DNAJC15: variants seen among roughly 807,000 people sequenced by gnomAD.
DNAJC15 encodes dnaJ homolog subfamily C member 15.
A neutral mutation model predicts 22.4 loss-of-function variants in DNAJC15; 27 were observed. The ratio of observed to expected loss-of-function variants is 1.20; its 90% CI spans 0.89 to 1.66. The LOEUF is 1.66. Among genes scored for constraint, DNAJC15 ranks in the 40% most tolerant of loss-of-function variants. DNAJC15 has a pLI of 0.00. For missense variants in DNAJC15, 208 were observed against 187.1 expected, an observed-to-expected ratio of 1.11 and a Z score of -0.65; for synonymous variants, 79 against 63.2, an observed-to-expected ratio of 1.25 and a Z score of -1.19.
chr13:43,035,525 A>G (rs1351416216), intron 1 of DNAJC15, among the ~76,000 whole-genome samples: 6 of 152,226 alleles, frequency 3.9e-5, no homozygotes, highest in Admixed American at 6.5e-5. Flanking sequence ...AACTAAACCA[A>G]GGGAGAAAAG....
intron 4 of DNAJC15, 36 bp downstream of exon 4, chr13:43,078,724 G>A (rs1038451914): frequency 6.3e-7 from 1 of 1,581,092 alleles, no homozygotes; most frequent in South Asian, 1.1e-5. Context: ...TTGTTGTGTG[G>A]CCAAGCTTGT....
At chr13:43,074,868 TA>T in intron 3 of DNAJC15, among the ~76,000 whole-genome samples, 1 of 152,180 alleles carries the variant, frequency 6.6e-6, no homozygotes, top group African/African-American at 2.4e-5. Context: ...TTTTAAAAAA[TA>T]AACTCAATGA....
At chr13:43,068,099 A>G (rs923894700) in intron 2 of DNAJC15, among the ~76,000 whole-genome samples, 2 of 152,164 alleles carry the variant, frequency 1.3e-5, no homozygotes, top group African/African-American at 4.8e-5. Context: ...TGATTTGCAA[A>G]TAGGCTTATG....
intron 1 of DNAJC15, among the ~76,000 whole-genome samples, chr13:43,043,562 A>G (rs1177731738): frequency 6.6e-6 from 1 of 152,234 alleles, no homozygotes; most frequent in Non-Finnish European, 1.5e-5. Context: ...TTCTTAAAAA[A>G]TCATTATCTA....
intron 5 of DNAJC15, among the ~76,000 whole-genome samples, chr13:43,094,203 A>G (rs2153441959): frequency 6.6e-6 from 1 of 152,000 alleles, no homozygotes; most frequent in East Asian, 1.9e-4. Flanking sequence ...TTTTTTTCCC[A>G]TCTGTGATTT....
rs1566221914 is a variant in DNAJC15 at position 43,113,990 on chromosome 13, G to A, written c.*6742G>A. On this transcript the variant is annotated 3_prime_UTR_variant, in exon 6 of 6. Coordinates refer to ENST00000379221, the MANE Select transcript of DNAJC15 (RefSeq NM_013238.3). ...TTTGCCTTCTACTCTATCTCATTTT[G>A]TACTCGCTTACATACTACATTCTTG... 1.3e-5 allele frequency: 2 copies of A among 152,034 alleles called. No individual in the cohort carries two copies. The highest frequency in any genetic ancestry group is 1.9e-4 in the East Asian group (1 of 5,194). The allele number at this position is 152,034 out of a possible 1,614,324, so 9.4% of individuals were successfully genotyped here.
At chr13:43,025,025 A>T (rs1178488037) in intron 1 of DNAJC15, among the ~76,000 whole-genome samples, 1 of 151,690 alleles carries the variant, frequency 6.6e-6, no homozygotes, top group African/African-American at 2.4e-5. Flanking sequence ...TCGCCACTGC[A>T]CTCCAGCCTG....
intron 5 of DNAJC15, among the ~76,000 whole-genome samples, chr13:43,097,159 G>A (rs1004357983): frequency 1.3e-5 from 2 of 152,228 alleles, no homozygotes; most frequent in African/African-American, 4.8e-5. Context: ...AATGGCAGCT[G>A]GAGGGGAGGC....
chr13:43,068,203 G>A (rs1293508675), intron 2 of DNAJC15, among the ~76,000 whole-genome samples: 2 of 152,020 alleles, frequency 1.3e-5, no homozygotes, highest in Non-Finnish European at 2.9e-5. Context: ...CAATCTGATT[G>A]GGGTGCAAAA....
chr13:43,044,286 G>A (rs2040466495), intron 1 of DNAJC15, among the ~76,000 whole-genome samples: 1 of 152,158 alleles, frequency 6.6e-6, no homozygotes, highest in Admixed American at 6.5e-5. Flanking sequence ...AGATAACAAA[G>A]AATGAATGTT....
At chr13:43,027,056 G>C (rs191940662) in intron 1 of DNAJC15, among the ~76,000 whole-genome samples, 2 of 152,238 alleles carry the variant, frequency 1.3e-5, no homozygotes, top group African/African-American at 4.8e-5. Flanking sequence ...TACAATTAAT[G>C]GTTTAATAGA....
At chr13:43,098,248 C>T (rs377428931) in intron 5 of DNAJC15, among the ~76,000 whole-genome samples, 22 of 152,116 alleles carry the variant, frequency 1.4e-4, no homozygotes, top group African/African-American at 4.3e-4. Flanking sequence ...CTAGCTGGAA[C>T]GTAAGACATC....
chr13:43,043,117 TTA>T (rs2040461212), intron 1 of DNAJC15, among the ~76,000 whole-genome samples: 1 of 152,164 alleles, frequency 6.6e-6, no homozygotes, highest in African/African-American at 2.4e-5. Context: ...TTAAATTTGT[TTA>T]TTTTTATTTT....
intron 1 of DNAJC15, among the ~76,000 whole-genome samples, chr13:43,055,701 T>TTTG (rs1030494302): frequency 6.6e-6 from 1 of 152,186 alleles, no homozygotes; most frequent in Non-Finnish European, 1.5e-5. Context: ...TCACTTTTGT[T>TTTG]TTGTTGTTGT....
intron 5 of DNAJC15, among the ~76,000 whole-genome samples, chr13:43,096,390 G>C (rs2040739640): frequency 6.6e-6 from 1 of 152,166 alleles, no homozygotes; most frequent in Non-Finnish European, 1.5e-5. Context: ...TTATCCAGCT[G>C]TACTGAGCTA....
intron 5 of DNAJC15, among the ~76,000 whole-genome samples, chr13:43,087,045 A>ATGACAGGATTTATTTCT (rs1487705064): frequency 6.6e-6 from 1 of 152,208 alleles, no homozygotes; most frequent in Non-Finnish European, 1.5e-5. Context: ...TATTTGCAAA[A>ATGACAGGATTTATTTCT]TGACAGGATT....
chr13:43,042,494 C>T (rs2040458726), intron 1 of DNAJC15, among the ~76,000 whole-genome samples: 1 of 152,170 alleles, frequency 6.6e-6, no homozygotes, highest in African/African-American at 2.4e-5. Context: ...AACAGAAGGG[C>T]AGGAGTGCAT....
At position 43,112,279 on chromosome 13, in the gene DNAJC15, G is replaced by A. The variant is rs572619917; in HGVS notation, c.*5031G>A. On this transcript the variant is annotated 3_prime_UTR_variant, in exon 6 of 6. Transcript: ENST00000379221. ...ATAATAACCCTTTCCCTCTCTGTTC[G>A]ATTCAACAGTATCTAGCAGCACTGC... is the stretch of plus-strand genomic sequence containing the variant. 3.9e-5 allele frequency: 6 copies of A among 152,154 alleles called. No individual in the cohort carries two copies. The highest frequency in any genetic ancestry group is 5.9e-5 in the Non-Finnish European group (4 of 68,012). The allele number at this position is 152,154 out of a possible 1,614,324, so 9.4% of individuals were successfully genotyped here. A position where few individuals can be genotyped will look rare whatever the true frequency, so the allele number is the denominator to read the frequency against.
intron 1 of DNAJC15, among the ~76,000 whole-genome samples, chr13:43,041,076 CACAGACCCTTT>C (rs959659124): frequency 2.6e-5 from 4 of 152,192 alleles, no homozygotes; most frequent in Non-Finnish European, 5.9e-5. Context: ...TCCTCCTCAG[CACAGACCCTTT>C]ACAGGTGTCG....
Sources: allele counts gnomAD v4.1 joint callset (sites outside exome capture counted in the v4.1 genomes callset), GRCh38; gene constraint gnomAD v4.1.1; transcripts MANE v1.5; gene names NCBI Gene and HGNC (gene_info 2026-07-23, HGNC 2026-07-21).